SYNPO2: variants seen among roughly 807,000 people sequenced by gnomAD.
SYNPO2 encodes synaptopodin 2, also known as synaptopodin-2.
In SYNPO2, 56 loss-of-function variants were observed where a neutral mutation model predicts 85.0. That is an observed-to-expected ratio of 0.66 (90% CI 0.53 to 0.82). SYNPO2 has a LOEUF of 0.82. Ranked by LOEUF, SYNPO2 falls within the 40% of genes least tolerant of loss-of-function variation. The pLI, the probability that SYNPO2 is intolerant of heterozygous loss-of-function variation, is 0.00. For synonymous variants in SYNPO2, 602 were observed against 591.1 expected (o/e 1.02, Z -0.27); for missense variants, 1,575 against 1,534.2 (o/e 1.03, Z -0.44).
At chr4:118,881,709 G>T (rs1007562132) in intron 1 of SYNPO2, among the ~76,000 whole-genome samples, 1 of 152,188 alleles carries the variant, frequency 6.6e-6, no homozygotes, top group African/African-American at 2.4e-5. Context: ...GCCTCCAAGT[G>T]AGAGACGGCA....
intron 4 of SYNPO2, among the ~76,000 whole-genome samples, chr4:119,053,600 C>T (rs12506878): frequency 2.6e-5 from 4 of 152,078 alleles, no homozygotes; most frequent in Middle Eastern, 3.4e-3. Flanking sequence ...CTTACTCTTT[C>T]AATACCATAC....
chr4:118,926,468 G>C (rs1404032195), intron 1 of SYNPO2, among the ~76,000 whole-genome samples: 1 of 152,120 alleles, frequency 6.6e-6, no homozygotes, highest in Non-Finnish European at 1.5e-5. Context: ...CAGTAGAAAG[G>C]TTTTGATGAT....
upstream of SYNPO2, among the ~76,000 whole-genome samples, chr4:118,885,902 C>T (rs1021878440): frequency 6.6e-6 from 1 of 152,180 alleles, no homozygotes; most frequent in Non-Finnish European, 1.5e-5. Flanking sequence ...TTCGGGCAGA[C>T]AAAAGTTCAA....
In SYNPO2 at chr4:119,057,752, A is replaced by G. The variant is rs559366018; in HGVS notation, c.3604A>G (p.Thr1202Ala). Residue 1202 changes from threonine (T) to alanine (A), a missense_variant, in exon 5 of 5, where the codon ACA (threonine) becomes GCA (alanine). By Grantham distance (58) the Thr-to-Ala change is moderately conservative. This residue lies in a region of SYNPO2 where 1,508 missense variants were observed against 1,446.8 expected (regional missense o/e 1.04). Coordinates refer to ENST00000307142, the MANE Select transcript of SYNPO2 (RefSeq NM_133477.3). Reference sequence around the variant, plus strand: ...ATGTGGAAGGCAAGAGTATAATGTCACAGCCAATAATAATATGTCCACCAC... The same window carrying G: ...ATGTGGAAGGCAAGAGTATAATGTCGCAGCCAATAATAATATGTCCACCAC... ...GSCGRQEYNV[T>A]ANNNMSTTSQ... 9.9e-6 allele frequency: 16 copies of G among 1,613,956 alleles called. No homozygotes were observed. The highest frequency in any genetic ancestry group is 1.4e-5 in the Non-Finnish European group (16 of 1,180,022).
At chr4:118,921,872 T>C (rs533578036) in intron 1 of SYNPO2, among the ~76,000 whole-genome samples, 57 of 152,100 alleles carry the variant, frequency 3.7e-4, no homozygotes, top group Non-Finnish European at 7.6e-4. Flanking sequence ...CCTCTTCCAC[T>C]TGATTAACTT....
chr4:118,881,622 C>A (rs184525152), intron 1 of SYNPO2, among the ~76,000 whole-genome samples: 3 of 152,226 alleles, frequency 2.0e-5, no homozygotes, highest in East Asian at 1.9e-4. Context: ...CGTCCCCTTA[C>A]GACTGCGAGC....
At chr4:118,972,115 A>T (rs948476366) in intron 1 of SYNPO2, among the ~76,000 whole-genome samples, 1 of 152,178 alleles carries the variant, frequency 6.6e-6, no homozygotes, top group African/African-American at 2.4e-5. Context: ...TAAAAGAAAG[A>T]GAGGAGACAG....
intron 1 of SYNPO2, among the ~76,000 whole-genome samples, chr4:118,878,448 T>C (rs1401004372): frequency 1.3e-5 from 2 of 152,208 alleles, no homozygotes; most frequent in Non-Finnish European, 2.9e-5. Context: ...TCCATCTCAC[T>C]GAGTTGGTGG....
intron 4 of SYNPO2, chr4:119,032,982 G>A (rs1258347123): frequency 1.1e-6 from 1 of 946,716 alleles, no homozygotes; most frequent in Non-Finnish European, 1.2e-6. Context: ...ATCTCCAGTT[G>A]CCCATGAAAG....
chr4:119,022,831 C>T (rs1737789991), intron 1 of SYNPO2, among the ~76,000 whole-genome samples: 1 of 150,104 alleles, frequency 6.7e-6, no homozygotes, highest in Admixed American at 6.7e-5. Context: ...GGCTGGAGTA[C>T]AATGGTGCGA....
At chr4:118,998,262 G>A (rs17050188) in intron 1 of SYNPO2, among the ~76,000 whole-genome samples, 7 of 152,052 alleles carry the variant, frequency 4.6e-5, no homozygotes, top group Middle Eastern at 3.4e-3. Flanking sequence ...TTAAGAGAGC[G>A]CTCAAGGATG....
At chr4:119,051,779 C>G (rs1415662629) in intron 4 of SYNPO2, among the ~76,000 whole-genome samples, 3 of 152,078 alleles carry the variant, frequency 2.0e-5, no homozygotes, top group African/African-American at 7.2e-5. Context: ...TTACCCAAGG[C>G]CCCCAGATAC....
intron 1 of SYNPO2, among the ~76,000 whole-genome samples, chr4:118,900,057 C>T (rs1030464058): frequency 2.6e-5 from 4 of 152,138 alleles, no homozygotes; most frequent in Non-Finnish European, 4.4e-5. Flanking sequence ...CCACCGCACC[C>T]GGCCTGCTGT....
At chr4:118,860,960 T>C (rs550381458) in intron 1 of SYNPO2, among the ~76,000 whole-genome samples, 22 of 152,290 alleles carry the variant, frequency 1.4e-4, no homozygotes, top group African/African-American at 4.6e-4. Flanking sequence ...AGTTAGTAAA[T>C]ATTTTCTTCC....
Position 118,942,453 on chromosome 4 carries a change from G to A in SYNPO2, c.105+53312G>A, listed in dbSNP as rs941166676. 1.3e-5 allele frequency among the ~76,000 whole-genome samples: 2 copies of A among 152,150 alleles called. 1 individual carries two copies. Among genetic ancestry groups the A allele is most frequent in the South Asian group, 4.1e-4 (2 of 4,826 alleles). On this transcript the variant is annotated intron_variant, in intron 1 of 4. Coordinates refer to ENST00000307142, the MANE Select transcript of SYNPO2 (RefSeq NM_133477.3). ...GCTTTCTATCTTGTATACATAGTTC[G>A]TGTTTCACCTGGAAAGCACAACATT...
chr4:119,032,272 T>C, intron 4 of SYNPO2: 24 of 1,400,622 alleles, frequency 1.7e-5, no homozygotes, highest in Non-Finnish European at 2.2e-5. Flanking sequence ...ACTTAAAAAA[T>C]CCAGGAGCAC....
At chr4:119,020,098 C>T (rs1161520367) in intron 1 of SYNPO2, among the ~76,000 whole-genome samples, 1 of 152,044 alleles carries the variant, frequency 6.6e-6, no homozygotes, top group African/African-American at 2.4e-5. Context: ...CATGTTTATC[C>T]TTCTTGATAC....
intron 1 of SYNPO2, among the ~76,000 whole-genome samples, chr4:118,907,012 G>A (rs560475963): frequency 9.0e-4 from 136 of 151,064 alleles, no homozygotes; most frequent in African/African-American, 3.3e-3. Flanking sequence ...ACAGGGTCTC[G>A]CTTTGTTGCC....
intron 4 of SYNPO2, chr4:119,034,365 C>T (rs1738411522): frequency 3.1e-6 from 3 of 976,418 alleles, no homozygotes; most frequent in Non-Finnish European, 3.7e-6. Context: ...TTCCAGTTGT[C>T]TAGTGGTGTG....
Sources: allele counts gnomAD v4.1 joint callset (sites outside exome capture counted in the v4.1 genomes callset), GRCh38; gene constraint gnomAD v4.1.1; regional missense constraint gnomAD v4.1.1; transcripts MANE v1.5; gene names NCBI Gene and HGNC (gene_info 2026-07-23, HGNC 2026-07-21).